DDX59: variants seen among roughly 807,000 people sequenced by gnomAD.
DDX59 encodes probable ATP-dependent RNA helicase DDX59.
In DDX59, 30 loss-of-function variants were observed where a neutral mutation model predicts 51.9. The observed-to-expected ratio is 0.58, with a 90% CI of 0.43 to 0.78. The LOEUF is 0.78. Among genes scored for constraint, DDX59 ranks in the 30% least tolerant of loss-of-function variants. The pLI is 0.00. For missense variants in DDX59, 672 were observed against 730.8 expected (o/e 0.92, Z 0.93); for synonymous variants, 255 against 253.3 (o/e 1.01, Z -0.06).
intron 5 of DDX59, among the ~76,000 whole-genome samples, chr1:200,649,522 G>A (rs955760844): frequency 2.0e-4 from 31 of 151,290 alleles, no homozygotes; most frequent in Middle Eastern, 3.4e-3. Flanking sequence ...CCAGCTACTC[G>A]GGAGGCTGAG....
intron 6 of DDX59, 83 bp from the exon 7 acceptor site, chr1:200,648,650 A>T (rs1001228787): frequency 1.5e-5 from 22 of 1,433,838 alleles, no homozygotes; most frequent in Middle Eastern, 3.7e-4. Context: ...TCTTTTTATA[A>T]TGCTTACTTC....
intron 3 of DDX59, among the ~76,000 whole-genome samples, chr1:200,659,860 T>G (rs115409364): frequency 0.034 from 5,165 of 152,146 alleles, 98 homozygotes; most frequent in Middle Eastern, 0.048. Context: ...TAATTTTTTG[T>G]TTTTTTGCAG....
At position 200,666,509 on chromosome 1, in the gene DDX59, C is replaced by A; in HGVS notation, c.232G>T (p.Glu78Ter). The change falls in exon 2 of 8, where the codon GAG becomes TAG. Residue 78 changes from glutamate to a stop codon, truncating the protein, a stop_gained. Coordinates refer to ENST00000331314, the MANE Select transcript of DDX59 (RefSeq NM_001031725.6). LOFTEE classifies it high-confidence loss of function. ...QLAEVHSVSP[E>*]QGAKDSHPSE... ...GGATGGCTGTCCTTCGCACCCTGCT[C>A]GGGACTTACTGAATGAACCTCTGCC... The A allele has an allele frequency of 6.2e-7, 1 of 1,614,150 alleles. No homozygotes were observed.
chr1:200,647,698 G>A (rs764109734), intron 7 of DDX59, among the ~76,000 whole-genome samples: 6 of 151,764 alleles, frequency 4.0e-5, no homozygotes, highest in African/African-American at 4.8e-5. Context: ...CAGGCCAGGC[G>A]TGGTGGCTCA....
In DDX59 at chr1:200,648,461, C is replaced by T. The variant is rs1276364150; in HGVS notation, c.1574G>A (p.Ser525Asn). The change falls in exon 7 of 8, where the codon AGT (serine) becomes AAT (asparagine). Residue 525 changes from serine (S) to asparagine (N), a missense_variant. Transcript: ENST00000331314. ...RLVVNFDMPSSMDEYVHQIGR... is the reference protein window; with the variant it reads ...RLVVNFDMPSNMDEYVHQIGR... ...TACCTGATGGACATACTCATCCATACTTGAAGGCATATCAAAATTGACAAC... is the reference window on the plus strand; with the variant it reads ...TACCTGATGGACATACTCATCCATATTTGAAGGCATATCAAAATTGACAAC... The T allele has an allele frequency of 1.2e-5, 20 of 1,613,996 alleles. No individual in the cohort carries two copies. The highest frequency in any genetic ancestry group is 1.6e-5 in the Non-Finnish European group (19 of 1,179,996).
downstream of DDX59, among the ~76,000 whole-genome samples, chr1:200,643,071 T>C (rs1661095197): frequency 6.6e-6 from 1 of 152,176 alleles, no homozygotes; most frequent in Admixed American, 6.5e-5. Context: ...AAATAATAGT[T>C]TCCTTTCCAG....
intron 7 of DDX59, among the ~76,000 whole-genome samples, chr1:200,647,962 AGACT>A (rs1428399448): frequency 7.2e-6 from 1 of 138,582 alleles, no homozygotes; most frequent in Non-Finnish European, 1.5e-5. Flanking sequence ...TAACAGAGTG[AGACT>A]GTCTCAAAAA....
At chr1:200,643,136 C>T (rs192917714), downstream of DDX59, among the ~76,000 whole-genome samples, 18 of 149,618 alleles carry the variant, frequency 1.2e-4, no homozygotes, top group African/African-American at 4.2e-4. Flanking sequence ...TTGAGACCAG[C>T]CTGAGCAACA....
Position 200,648,574 on chromosome 1 carries a change from A to G in DDX59, c.1468-7T>C, listed in dbSNP as rs759446573. 1.2e-5 allele frequency: 20 copies of G among 1,601,026 alleles called. 1 individual carries two copies. The Middle Eastern group carries it at 1.0e-3, about 80-fold the overall frequency. ...AGTCTCCTTCAAGTAATCCCTTTCCAAAAAAGCAACAAAATTTATTATTCA... is the reference window on the plus strand; with the variant it reads ...AGTCTCCTTCAAGTAATCCCTTTCCGAAAAAGCAACAAAATTTATTATTCA... On this transcript the variant is annotated splice_region_variant and splice_polypyrimidine_tract_variant and intron_variant, in intron 6 of 7. Coordinates refer to ENST00000331314, the MANE Select transcript of DDX59 (RefSeq NM_001031725.6).
Position 200,659,132 on chromosome 1 carries a change from A to G in DDX59, c.973-16T>C, listed in dbSNP as rs1490292275. The G allele has an allele frequency of 6.3e-7, 1 of 1,585,094 alleles. No individual in the cohort carries two copies. The highest frequency in any genetic ancestry group is 8.6e-7 in the Non-Finnish European group (1 of 1,159,514). On this transcript the variant is annotated splice_polypyrimidine_tract_variant and intron_variant, in intron 3 of 7. Coordinates refer to ENST00000331314, the MANE Select transcript of DDX59 (RefSeq NM_001031725.6). ...CTATGATAACCTAAATAAAAGAGAA[A>G]AAGCAAATTAAAAAAATCAGTAATA...
intron 4 of DDX59, among the ~76,000 whole-genome samples, chr1:200,654,140 G>C (rs991516903): frequency 6.6e-6 from 1 of 152,214 alleles, no homozygotes; most frequent in Admixed American, 6.5e-5. Context: ...AGGGCCGGGC[G>C]TGGTGGCTCA....
At chr1:200,665,227 G>A (rs992509299) in intron 2 of DDX59, among the ~76,000 whole-genome samples, 5 of 152,104 alleles carry the variant, frequency 3.3e-5, no homozygotes, top group Admixed American at 3.3e-4. Flanking sequence ...AAGCTGAGGC[G>A]GTTGGATTAC....
chr1:200,649,633 A>AG (rs1448193600), intron 5 of DDX59, among the ~76,000 whole-genome samples: 1 of 150,938 alleles, frequency 6.6e-6, no homozygotes, highest in African/African-American at 2.4e-5. Flanking sequence ...CGTCACAAAA[A>AG]AAAAAAAAAA....
chr1:200,662,922 T>C (rs1662471419), intron 3 of DDX59, among the ~76,000 whole-genome samples: 1 of 152,232 alleles, frequency 6.6e-6, no homozygotes, highest in African/African-American at 2.4e-5. Flanking sequence ...TTGTCTGTTT[T>C]ATATACTGGA....
chr1:200,659,390 G>C (rs1163713339), intron 3 of DDX59, among the ~76,000 whole-genome samples: 1 of 152,180 alleles, frequency 6.6e-6, no homozygotes, highest in African/African-American at 2.4e-5. Flanking sequence ...AAACCTAAAG[G>C]ATGAGTGGGC....
At chr1:200,648,962 G>A in intron 6 of DDX59, 112 bp downstream of exon 6, 3 of 1,101,618 alleles carry the variant, frequency 2.7e-6, no homozygotes, top group South Asian at 1.9e-5. Context: ...TGATGGTCTT[G>A]TAGTCATTAA....
In DDX59 at chr1:200,644,343, T is replaced by G. The variant is rs1292081101; in HGVS notation, c.1771A>C (p.Lys591Gln). 12 of 1,613,824 alleles carry G rather than the reference T, an allele frequency of 7.4e-6. No homozygotes were observed. The highest frequency in any genetic ancestry group is 9.3e-6 in the Non-Finnish European group (11 of 1,179,940). Residue 591 changes from lysine to glutamine, a missense_variant, in exon 8 of 8, where the codon AAA becomes CAA. Transcript: ENST00000331314. Reference protein sequence around the residue: ...LHDQKRKEQQKDKQTQNDLVT... With the variant: ...LHDQKRKEQQQDKQTQNDLVT... The stretch of plus-strand genomic sequence containing the variant: ...AGATCATTCTGTGTCTGTTTATCTT[T>G]CTGTTGTTCCTTTCTCTTCTGGTCA...
At chr1:200,663,783 A>C (rs1233807566) in intron 3 of DDX59, 136 bp downstream of exon 3, 2 of 938,362 alleles carry the variant, frequency 2.1e-6, no homozygotes, top group Non-Finnish European at 2.9e-6. Flanking sequence ...AAAAAAAAAA[A>C]CCTAAGGCTT....
rs1336643748 is a variant in DDX59 at position 200,644,492 on chromosome 1, T to C, written c.1622A>G (p.Gln541Arg). 1.3e-6 allele frequency: 2 copies of C among 1,592,424 alleles called. No homozygotes were observed. Among genetic ancestry groups the C allele is most frequent in the Admixed American group, 3.5e-5 (2 of 56,564 alleles). Reference protein sequence around the residue: ...HQIGRVGRLGQNGTAITFINN... With the variant: ...HQIGRVGRLGRNGTAITFINN... ...GATGAAAGTAATCGCTGTTCCATTTTGACCTAATCTTCCTACTCTTCCAAT... is the reference window on the plus strand; with the variant it reads ...GATGAAAGTAATCGCTGTTCCATTTCGACCTAATCTTCCTACTCTTCCAAT... The change falls in exon 8 of 8, where the codon CAA becomes CGA. Residue 541 changes from glutamine to arginine, a missense_variant. Physicochemically the swap from Gln to Arg is conservative, Grantham distance 43. Transcript: ENST00000331314.
Sources: allele counts gnomAD v4.1 joint callset (sites outside exome capture counted in the v4.1 genomes callset), GRCh38; gene constraint gnomAD v4.1.1; transcripts MANE v1.5; gene names NCBI Gene and HGNC (gene_info 2026-07-23, HGNC 2026-07-21).